PIK3R5: variants seen among roughly 807,000 people sequenced by gnomAD.
PIK3R5 encodes phosphoinositide 3-kinase regulatory subunit 5.
In PIK3R5, 32 loss-of-function variants were observed where a neutral mutation model predicts 94.9. That is an observed-to-expected ratio of 0.34 (90% CI 0.25 to 0.45). The LOEUF (loss-of-function observed/expected upper bound fraction) is 0.45, where lower values mean the gene tolerates loss of function less well. PIK3R5 is among the 20% of genes least tolerant of loss of function. PIK3R5 has a pLI of 1.00. For synonymous variants in PIK3R5, 443 were observed against 479.4 expected (o/e 0.92, Z 0.99); for missense variants, 853 against 1,144.6 (o/e 0.75, Z 3.68).
chr17:8,938,743 T>C (rs2091121127), intron 1 of PIK3R5, among the ~76,000 whole-genome samples: 1 of 152,252 alleles, frequency 6.6e-6, no homozygotes, highest in Admixed American at 6.5e-5. Context: ...AATATTTCAC[T>C]GTGTGGACAT....
chr17:8,890,776 C>T lies in PIK3R5; in HGVS notation c.619G>A (p.Ala207Thr), dbSNP rs759203384. The change falls in exon 7 of 19, where the codon GCC (alanine) becomes ACC (threonine). Residue 207 changes from alanine to threonine, a missense_variant. By Grantham distance (58) the Ala-to-Thr change is moderately conservative. This residue lies in a region of PIK3R5 where 161 missense variants were observed against 249.5 expected (regional missense o/e 0.65). Coordinates refer to ENST00000447110, the MANE Select transcript of PIK3R5 (RefSeq NM_001142633.3). The surrounding 1 kb of genome is among the most constrained non-coding windows in gnomAD (Gnocchi z 6.1). ...TGCAGGCCCGGGACGTCACAGTGGGCCCCAAAGGTGGCCTGGAAGGCGTGC... is the reference window on the plus strand; with the variant it reads ...TGCAGGCCCGGGACGTCACAGTGGGTCCCAAAGGTGGCCTGGAAGGCGTGC... ...LLHAFQATFG[A>T]HCDVPGLHCR... The T allele has an allele frequency of 6.2e-7, 1 of 1,612,230 alleles. No individual in the cohort carries two copies. Among genetic ancestry groups the T allele is most frequent in the South Asian group, 1.1e-5 (1 of 90,648 alleles).
chr17:8,901,105 T>G (rs2090272786), intron 5 of PIK3R5, among the ~76,000 whole-genome samples: 1 of 152,184 alleles, frequency 6.6e-6, no homozygotes, highest in Non-Finnish European at 1.5e-5. Context: ...CATTCTGATC[T>G]GTTTGTTTTG....
chr17:8,957,032 G>A (rs549748600), intron 1 of PIK3R5, among the ~76,000 whole-genome samples: 6 of 152,240 alleles, frequency 3.9e-5, no homozygotes, highest in Admixed American at 2.6e-4. Context: ...TGGGGTTTCT[G>A]AGCAAACTGC....
Position 8,949,863 on chromosome 17 carries a change from G to A in PIK3R5, c.-14+15733C>T, listed in dbSNP as rs571258831. ...AGTCACCTCTAAAGAACTTACTCAC[G>A]TAACCAAATACTACCTGTTCCCCAA... On this transcript the variant is annotated intron_variant, in intron 1 of 18. Coordinates refer to ENST00000447110, the MANE Select transcript of PIK3R5 (RefSeq NM_001142633.3). 1.8e-4 allele frequency among the ~76,000 whole-genome samples: 28 copies of A among 152,254 alleles called. No homozygotes were observed. In the East Asian group the frequency reaches 3.3e-3, roughly 18 times the overall value.
At chr17:8,938,636 T>C (rs916052551) in intron 1 of PIK3R5, among the ~76,000 whole-genome samples, 2 of 152,228 alleles carry the variant, frequency 1.3e-5, no homozygotes, top group African/African-American at 2.4e-5. Context: ...TTATGATATG[T>C]GGTCTTTTGC....
At chr17:8,898,285 C>T (rs1476939340) in intron 5 of PIK3R5, among the ~76,000 whole-genome samples, 3 of 152,232 alleles carry the variant, frequency 2.0e-5, no homozygotes, top group East Asian at 3.8e-4. Context: ...ACTGACCTAA[C>T]CCAGGTTTGT....
chr17:8,885,075 C>A (rs1463668756), intron 14 of PIK3R5: 9 of 410,164 alleles, frequency 2.2e-5, no homozygotes, highest in Middle Eastern at 1.4e-3. Flanking sequence ...TTCCCAGGGT[C>A]CTGCCTCTCC....
At position 8,911,369 on chromosome 17, in the gene PIK3R5, C is replaced by T. The variant is rs762121602; in HGVS notation, c.103+23G>A. On this transcript the variant is annotated intron_variant, in intron 2 of 18. Transcript: ENST00000447110. This position sits in a 1 kb window ranked among gnomAD's most constrained non-coding sequence, Gnocchi z 5.3. ...GAGGCTTCCTTGAGCCCTCAAACAC[C>T]TCCCCGGCTCCCTTGGACCGACCTG... is the stretch of plus-strand genomic sequence containing the variant. 3.8e-6 allele frequency: 6 copies of T among 1,586,066 alleles called. No individual in the cohort carries two copies. The highest frequency in any genetic ancestry group is 4.5e-5 in the East Asian group (2 of 44,804).
At chr17:8,918,415 T>C (rs1426826419) in intron 1 of PIK3R5, among the ~76,000 whole-genome samples, 3 of 152,182 alleles carry the variant, frequency 2.0e-5, no homozygotes, top group African/African-American at 7.2e-5. Flanking sequence ...GCTAGGACAA[T>C]TTGAATGAAC....
intron 1 of PIK3R5, among the ~76,000 whole-genome samples, chr17:8,928,297 C>A (rs1483847792): frequency 6.6e-6 from 1 of 151,880 alleles, no homozygotes; most frequent in African/African-American, 2.4e-5. Flanking sequence ...AAGAGGAGAA[C>A]CTCCTGGGAG....
At chr17:8,907,653 A>T (rs1453211520) in intron 3 of PIK3R5, among the ~76,000 whole-genome samples, 1 of 148,180 alleles carries the variant, frequency 6.7e-6, no homozygotes, top group Admixed American at 6.7e-5. Flanking sequence ...AGAGAGAGAG[A>T]GAGAGAAATA....
intron 15 of PIK3R5, among the ~76,000 whole-genome samples, chr17:8,883,635 A>G (rs1386749631): frequency 6.6e-6 from 1 of 152,204 alleles, no homozygotes; most frequent in East Asian, 1.9e-4. Context: ...ATATTAACTC[A>G]GGTGCCTTCT....
In PIK3R5 at chr17:8,888,061, A is replaced by G; in HGVS notation, c.1616+110T>C. On this transcript the variant is annotated intron_variant, in intron 10 of 18. Coordinates refer to ENST00000447110, the MANE Select transcript of PIK3R5 (RefSeq NM_001142633.3). The surrounding 1 kb of genome is among the most constrained non-coding windows in gnomAD (Gnocchi z 7.8). Reference sequence around the variant, plus strand: ...AATAATAATAATAAAATAAAAATAAATAAGGGAACTTTTGGTTCCTCTGGG... The same window carrying G: ...AATAATAATAATAAAATAAAAATAAGTAAGGGAACTTTTGGTTCCTCTGGG... 2.0e-6 allele frequency: 1 copy of G among 500,202 alleles called. No individual in the cohort carries two copies. 31.0% of individuals were successfully genotyped at this position (500,202 alleles called of 1,614,324 possible).
chr17:8,919,310 C>T (rs2090686286), intron 1 of PIK3R5, among the ~76,000 whole-genome samples: 1 of 152,138 alleles, frequency 6.6e-6, no homozygotes, highest in Non-Finnish European at 1.5e-5. Context: ...GCTCTAAGAC[C>T]TTTTATATAT....
Position 8,909,477 on chromosome 17 carries a change from T to C in PIK3R5, c.104-303A>G, listed in dbSNP as rs2090476563. On this transcript the variant is annotated intron_variant, in intron 2 of 18. Coordinates refer to ENST00000447110, the MANE Select transcript of PIK3R5 (RefSeq NM_001142633.3). The surrounding 1 kb of genome is among the most constrained non-coding windows in gnomAD (Gnocchi z 4.3). ...GCTAATTTTTGTATTTTAGTAGAGA[T>C]GGGGTTTCACCATGTTGGCCAAGAT... Among the ~76,000 whole-genome samples, 1 of 152,104 alleles carries C rather than the reference T, an allele frequency of 6.6e-6. No homozygotes were observed.
Position 8,893,982 on chromosome 17 carries a change from C to T in PIK3R5, c.413-327G>A, listed in dbSNP as rs1001842805. ...TCCACTCCCCTTGTGGCTCAGGTCC[C>T]GGCTCCAGGCTTGGAGGCAGCCTAG... is the stretch of plus-strand genomic sequence containing the variant. On this transcript the variant is annotated intron_variant, in intron 5 of 18. Coordinates refer to ENST00000447110, the MANE Select transcript of PIK3R5 (RefSeq NM_001142633.3). This position sits in a 1 kb window ranked among gnomAD's most constrained non-coding sequence, Gnocchi z 5.1. 9 of 204,812 alleles carry T rather than the reference C, an allele frequency of 4.4e-5. No individual in the cohort carries two copies. The South Asian group carries it at 6.7e-4, about 15-fold the overall frequency. The allele number at this position is 204,812 out of a possible 1,614,324, so 12.7% of individuals were successfully genotyped here. A position where few individuals can be genotyped will look rare whatever the true frequency, so the allele number is the denominator to read the frequency against.
At chr17:8,903,326 A>G (rs951140689) in intron 5 of PIK3R5, among the ~76,000 whole-genome samples, 1 of 151,612 alleles carries the variant, frequency 6.6e-6, no homozygotes, top group African/African-American at 2.4e-5. Flanking sequence ...CTATTCTTAT[A>G]CCCATAGTGT....
intron 2 of PIK3R5, among the ~76,000 whole-genome samples, chr17:8,910,151 G>C (rs540487048): frequency 4.7e-4 from 71 of 152,332 alleles, no homozygotes; most frequent in Non-Finnish European, 7.8e-4. Context: ...CTGTGTGTAT[G>C]TGTGTGTGGA....
intron 1 of PIK3R5, chr17:8,916,869 A>C (rs914534981): frequency 3.3e-5 from 5 of 152,140 alleles, no homozygotes; most frequent in Non-Finnish European, 7.3e-5. Context: ...TGAAAGGAGG[A>C]GTTAGAGGGC....
Sources: allele counts gnomAD v4.1 joint callset (sites outside exome capture counted in the v4.1 genomes callset), GRCh38; gene constraint gnomAD v4.1.1; regional missense constraint gnomAD v4.1.1; non-coding constraint Gnocchi (gnomAD v3.1); transcripts MANE v1.5; gene names NCBI Gene and HGNC (gene_info 2026-07-23, HGNC 2026-07-21).